TPO: variants seen among roughly 807,000 people sequenced by gnomAD.
TPO encodes thyroid peroxidase, also known as thyroid microsomal antigen.
In TPO, 78 loss-of-function variants were observed where a neutral mutation model predicts 96.9. That is an observed-to-expected ratio of 0.81 (90% CI 0.67 to 0.97). TPO has a LOEUF of 0.97. TPO is among the 50% of genes least tolerant of loss of function. The probability of loss-of-function intolerance (pLI) is 0.00; values close to 1 mark genes in which losing one functional copy is unlikely to be tolerated. For missense variants in TPO, 1,252 were observed against 1,274.8 expected, an observed-to-expected ratio of 0.98 and a Z score of 0.27; for synonymous variants, 547 against 538.0, an observed-to-expected ratio of 1.02 and a Z score of -0.23.
At chr2:1,431,949 C>T (rs1481838363) in intron 3 of TPO, among the ~76,000 whole-genome samples, 5 of 152,318 alleles carry the variant, frequency 3.3e-5, no homozygotes, top group East Asian at 3.9e-4. Context: ...GTCTGACACT[C>T]GCACACCTGC....
At chr2:1,517,035 T>G in intron 15 of TPO, 53 bp downstream of exon 15, 4 of 1,575,694 alleles carry the variant, frequency 2.5e-6, no homozygotes, top group Non-Finnish European at 3.5e-6. Flanking sequence ...TCTCCTTTCC[T>G]CTGGACATGG....
intron 11 of TPO, 108 bp from the exon 12 acceptor site, chr2:1,495,881 C>T (rs553480553): frequency 6.2e-5 from 79 of 1,282,750 alleles, no homozygotes; most frequent in East Asian, 3.5e-4. Context: ...TCTGGGCAGA[C>T]GCCGCAGGAG....
At position 1,496,310 on chromosome 2, in the gene TPO, C is replaced by T. The variant is rs1015256998; in HGVS notation, c.2215+113C>T. 6.7e-5 allele frequency: 87 copies of T among 1,301,038 alleles called. No homozygotes were observed. In the South Asian group the frequency reaches 7.4e-4, roughly 11 times the overall value. The allele number at this position is 1,301,038 out of a possible 1,614,324, so 80.6% of individuals were successfully genotyped here. ...TTCACTGTTTAGAAAATAGTGTCAA[C>T]GCCCTGCCTTACACCCTCAGGGCAG... On this transcript the variant is annotated intron_variant, in intron 12 of 16. Coordinates refer to ENST00000329066, the MANE Select transcript of TPO (RefSeq NM_001206744.2).
chr2:1,532,574 G>T (rs1678555276), intron 15 of TPO, among the ~76,000 whole-genome samples: 1 of 100,148 alleles, frequency 1.0e-5, no homozygotes, highest in Non-Finnish European at 1.9e-5. Context: ...CCCCAACTGT[G>T]TGCGACCTCC....
chr2:1,518,946 G>C (rs983738411), intron 15 of TPO, among the ~76,000 whole-genome samples: 2 of 152,230 alleles, frequency 1.3e-5, no homozygotes, highest in African/African-American at 4.8e-5. Flanking sequence ...TCCTGGAGTA[G>C]AGGGGCCCCT....
chr2:1,531,407 T>A (rs1309404017), intron 15 of TPO, among the ~76,000 whole-genome samples: 2 of 46,872 alleles, frequency 4.3e-5, no homozygotes, highest in Non-Finnish European at 6.6e-5. Context: ...CCCCACTGTG[T>A]TCAACCTCCC....
At chr2:1,463,472 T>C (rs1240318652) in intron 7 of TPO, among the ~76,000 whole-genome samples, 16 of 152,200 alleles carry the variant, frequency 1.1e-4, no homozygotes, top group Admixed American at 8.5e-4. Context: ...TTGGAGCAAG[T>C]TGGGACTTTT....
intron 1 of TPO, among the ~76,000 whole-genome samples, chr2:1,400,568 CAAAAA>C (rs34242408): frequency 2.8e-5 from 2 of 71,606 alleles, no homozygotes; most frequent in African/African-American, 5.5e-5. Flanking sequence ...GACTCTGTCT[CAAAAA>C]AAAAAAAAAA....
chr2:1,422,933 G>A (rs1200534461), intron 2 of TPO, 112 bp from the exon 3 acceptor site: 11 of 1,195,490 alleles, frequency 9.2e-6, no homozygotes, highest in East Asian at 2.5e-5. Context: ...TGCCTGTCCC[G>A]GAAGCCACGT....
At position 1,484,836 on chromosome 2, in the gene TPO, T is replaced by C. The variant is rs888273677; in HGVS notation, c.1579T>C (p.Trp527Arg). 1 of 1,613,974 alleles carries C rather than the reference T, an allele frequency of 6.2e-7. No homozygotes were observed. Among genetic ancestry groups the C allele is most frequent in the South Asian group, 1.1e-5 (1 of 91,086 alleles). Residue 527 changes from tryptophan to arginine, a missense_variant, in exon 9 of 17, where the codon TGG becomes CGG. Transcript: ENST00000329066. ...GCTGCACCAGGCTTTCTTCAGCCCA[T>C]GGACATTACTCCGTGGAGGTGAGTG... The part of the protein sequence containing the change: ...LWLHQAFFSP[W>R]TLLRGGGLDP...
intron 8 of TPO, among the ~76,000 whole-genome samples, chr2:1,482,877 C>G (rs1302006734): frequency 6.6e-6 from 1 of 152,146 alleles, no homozygotes; most frequent in Non-Finnish European, 1.5e-5. Context: ...GAAACAGAGT[C>G]TGACTGTGTT....
At chr2:1,494,141 A>C in intron 11 of TPO, 102 bp downstream of exon 11, 1 of 1,154,452 alleles carries the variant, frequency 8.7e-7, no homozygotes, top group African/African-American at 1.5e-5. Flanking sequence ...TTCCGGCTCC[A>C]CCATTCAACT....
intron 5 of TPO, among the ~76,000 whole-genome samples, chr2:1,437,458 G>A (rs4592894): frequency 0.27 from 40,677 of 151,606 alleles, 5,763 homozygotes; most frequent in South Asian, 0.4. Flanking sequence ...CCCCCCCCGA[G>A]AGAGGGATCA....
chr2:1,496,173 G>A lies in TPO; in HGVS notation c.2191G>A (p.Ala731Thr). The A allele has an allele frequency of 1.2e-6, 2 of 1,614,022 alleles. No individual in the cohort carries two copies. The change falls in exon 12 of 17, where the codon GCC becomes ACC. Residue 731 changes from alanine (A) to threonine (T), a missense_variant. Coordinates refer to ENST00000329066, the MANE Select transcript of TPO (RefSeq NM_001206744.2). The part of the protein sequence containing the change: ...CDSITGMNLE[A>T]WRETFPQDDK... ...CAGCATCACTGGCATGAACCTGGAG[G>A]CCTGGAGGGAAACCTTTCCTCAAGG...
At chr2:1,426,543 C>T (rs1040979257) in intron 3 of TPO, among the ~76,000 whole-genome samples, 4 of 152,042 alleles carry the variant, frequency 2.6e-5, no homozygotes, top group African/African-American at 4.8e-5. Context: ...TTCTAGATGC[C>T]GGGATACAGA....
chr2:1,415,372 C>T (rs559341880), intron 2 of TPO, among the ~76,000 whole-genome samples: 1 of 143,502 alleles, frequency 7.0e-6, no homozygotes, highest in Non-Finnish European at 1.5e-5. Context: ...CGGGCAGGTC[C>T]CTGGGCCTCT....
intron 14 of TPO, among the ~76,000 whole-genome samples, chr2:1,508,287 C>T (rs544966781): frequency 1.4e-4 from 21 of 152,164 alleles, no homozygotes; most frequent in African/African-American, 4.8e-4. Flanking sequence ...TTCGGTTTGC[C>T]AGTATTTTAT....
At chr2:1,489,071 A>C (rs1428717556) in intron 10 of TPO, among the ~76,000 whole-genome samples, 1 of 151,332 alleles carries the variant, frequency 6.6e-6, no homozygotes, top group Non-Finnish European at 1.5e-5. Flanking sequence ...TGCCCGGCAC[A>C]TGCCCAGCAC....
chr2:1,442,145 G>A (rs937856288), intron 5 of TPO, among the ~76,000 whole-genome samples: 6 of 152,154 alleles, frequency 3.9e-5, no homozygotes, highest in Middle Eastern at 3.2e-3. Context: ...ACGTGGAATC[G>A]TAAGTCCATT....
Sources: allele counts gnomAD v4.1 joint callset (sites outside exome capture counted in the v4.1 genomes callset), GRCh38; gene constraint gnomAD v4.1.1; transcripts MANE v1.5; gene names NCBI Gene and HGNC (gene_info 2026-07-23, HGNC 2026-07-21).